MGLL: variants seen among roughly 807,000 people sequenced by gnomAD.
MGLL encodes lysophospholipase homolog.
MGLL carries 7 observed loss-of-function variants against 29.1 expected under a neutral mutation model. That is an observed-to-expected ratio of 0.24 (90% CI 0.14 to 0.45). MGLL has a LOEUF of 0.45. MGLL is among the 20% of genes least tolerant of loss of function. MGLL has a pLI of 0.99. For missense variants in MGLL, 356 were observed against 413.6 expected, an observed-to-expected ratio of 0.86 and a Z score of 1.21; for synonymous variants, 148 against 168.3, an observed-to-expected ratio of 0.88 and a Z score of 0.93.
rs1392090093 is a variant in MGLL at position 127,691,651 on chromosome 3, C to CAAA, written c.*546_*547insTTT. The stretch of plus-strand genomic sequence containing the variant: ...GCCCACAAAGTCATGGGTGGCTGCT[C>CAAA]ATTTTGAGGAAGGGCTGGGCATTTT... On this transcript the variant is annotated 3_prime_UTR_variant, in exon 8 of 8. Transcript: ENST00000265052. The CAAA allele has an allele frequency of 1.8e-5, 3 of 162,718 alleles. No individual in the cohort carries two copies. In the East Asian group the frequency reaches 5.5e-4, roughly 30 times the overall value. 10.1% of individuals were successfully genotyped at this position (162,718 alleles called of 1,614,324 possible).
At chr3:127,700,877 T>C (rs1222039967) in intron 6 of MGLL, among the ~76,000 whole-genome samples, 2 of 152,140 alleles carry the variant, frequency 1.3e-5, no homozygotes, top group African/African-American at 2.4e-5. Context: ...CTTCAGTGCA[T>C]TGTGCTGAAC....
chr3:127,762,417 G>A (rs147552623), intron 3 of MGLL, among the ~76,000 whole-genome samples: 2 of 152,218 alleles, frequency 1.3e-5, no homozygotes, highest in Non-Finnish European at 2.9e-5. Flanking sequence ...CTTTCTTAAG[G>A]GCTGTGTCAA....
At position 127,694,207 on chromosome 3, in the gene MGLL, T is replaced by A. The variant is rs546380368; in HGVS notation, c.816+768A>T. On this transcript the variant is annotated intron_variant, in intron 7 of 7. Transcript: ENST00000265052. ...ATCACTTGAACCTGGGAGGCAGAGGTTGCTGTGAGCCGAGATGGCGCCGCT... is the reference window on the plus strand; with the variant it reads ...ATCACTTGAACCTGGGAGGCAGAGGATGCTGTGAGCCGAGATGGCGCCGCT... Among the ~76,000 whole-genome samples the A allele has an allele frequency of 2.2e-4, 33 of 148,244 alleles. 1 individual carries two copies. The highest frequency in any genetic ancestry group is 8.0e-4 in the African/African-American group (32 of 39,838).
chr3:127,736,244 A>AC, intron 3 of MGLL: 1 of 884,206 alleles, frequency 1.1e-6, no homozygotes, highest in Non-Finnish European at 1.3e-6. Context: ...AAATTGCTTT[A>AC]AAAAAATGGA....
At chr3:127,722,913 CG>C (rs1425547316) in intron 3 of MGLL, among the ~76,000 whole-genome samples, 1 of 152,160 alleles carries the variant, frequency 6.6e-6, no homozygotes, top group African/African-American at 2.4e-5. Flanking sequence ...GCAAAGCAGC[CG>C]GGAGTAAGAC....
intron 3 of MGLL, chr3:127,736,005 G>T: frequency 7.1e-7 from 1 of 1,415,194 alleles, no homozygotes; most frequent in South Asian, 1.6e-5. Context: ...AAAGCTCCCA[G>T]GTTTAACATG....
intron 2 of MGLL, among the ~76,000 whole-genome samples, chr3:127,806,762 C>T (rs1364743762): frequency 6.6e-6 from 1 of 152,174 alleles, no homozygotes; most frequent in East Asian, 1.9e-4. Context: ...CGCGGTGGCT[C>T]ACACCTGTAA....
chr3:127,789,058 T>A (rs995845208), intron 2 of MGLL, among the ~76,000 whole-genome samples: 3 of 151,828 alleles, frequency 2.0e-5, no homozygotes, highest in African/African-American at 7.3e-5. Flanking sequence ...CAGCTGAACC[T>A]GGTTATCCAA....
At chr3:127,722,121 TC>T (rs1173163136) in intron 4 of MGLL, among the ~76,000 whole-genome samples, 1 of 152,120 alleles carries the variant, frequency 6.6e-6, no homozygotes, top group African/African-American at 2.4e-5. Flanking sequence ...AAGGAGCTAT[TC>T]CCCCCTCCAA....
At chr3:127,744,807 C>A (rs2076411400) in intron 3 of MGLL, among the ~76,000 whole-genome samples, 1 of 152,130 alleles carries the variant, frequency 6.6e-6, no homozygotes, top group African/African-American at 2.4e-5. Flanking sequence ...ATATTCAGAA[C>A]CAAATGAAGA....
intron 2 of MGLL, among the ~76,000 whole-genome samples, chr3:127,786,162 T>C (rs1221266167): frequency 6.6e-6 from 1 of 152,180 alleles, no homozygotes; most frequent in Non-Finnish European, 1.5e-5. Flanking sequence ...GGTACCCAGC[T>C]GGGCAGCGAC....
At chr3:127,815,876 TC>T (rs1433690174) in intron 2 of MGLL, among the ~76,000 whole-genome samples, 2 of 152,214 alleles carry the variant, frequency 1.3e-5, no homozygotes, top group African/African-American at 4.8e-5. Flanking sequence ...AGATGCATGA[TC>T]TTTGCCACCC....
Position 127,733,352 on chromosome 3 carries a change from C to T in MGLL, c.263-10786G>A, listed in dbSNP as rs547859531. 1.7e-3 allele frequency among the ~76,000 whole-genome samples: 258 copies of T among 152,342 alleles called. 2 individuals carry two copies. Among genetic ancestry groups the T allele is most frequent in the African/African-American group, 5.8e-3 (241 of 41,578 alleles). On this transcript the variant is annotated intron_variant, in intron 3 of 7. Transcript: ENST00000265052. ...CCATAAAAATGGGCACCCACCAGCC[C>T]TCAGGCTGCTCTGTCTATGGGGTAG...
At chr3:127,797,225 C>T (rs559485167) in intron 2 of MGLL, among the ~76,000 whole-genome samples, 1 of 152,100 alleles carries the variant, frequency 6.6e-6, no homozygotes, top group Non-Finnish European at 1.5e-5. Flanking sequence ...GAGGGTGTAT[C>T]CCAGGACTGC....
intron 6 of MGLL, among the ~76,000 whole-genome samples, chr3:127,708,025 G>A (rs1036477077): frequency 1.3e-5 from 2 of 152,080 alleles, no homozygotes; most frequent in South Asian, 2.1e-4. Context: ...CTCGATTCCC[G>A]GCCAGTGGCC....
At chr3:127,766,978 G>A (rs1255197721) in intron 3 of MGLL, among the ~76,000 whole-genome samples, 1 of 152,148 alleles carries the variant, frequency 6.6e-6, no homozygotes. Flanking sequence ...GGTTGAGGCA[G>A]GAGAATTGGT....
At chr3:127,776,599 T>C (rs1328369433) in intron 3 of MGLL, among the ~76,000 whole-genome samples, 1 of 152,170 alleles carries the variant, frequency 6.6e-6, no homozygotes, top group East Asian at 1.9e-4. Context: ...CTGCGGGCCT[T>C]GTGGCGCCTC....
intron 6 of MGLL, among the ~76,000 whole-genome samples, chr3:127,708,479 G>A (rs1298106227): frequency 1.3e-5 from 2 of 152,218 alleles, no homozygotes; most frequent in African/African-American, 2.4e-5. Flanking sequence ...TCCTGAGTAA[G>A]ACCGAAGAAT....
intron 3 of MGLL, among the ~76,000 whole-genome samples, chr3:127,743,612 A>G (rs2076387003): frequency 1.4e-5 from 2 of 142,586 alleles, no homozygotes; most frequent in Non-Finnish European, 3.0e-5. Flanking sequence ...CCAAGCAGAG[A>G]GTACTGGAAC....
Sources: gnomAD v4.1 joint callset for allele counts (sites outside exome capture counted in the v4.1 genomes callset) on GRCh38, gnomAD v4.1.1 for gene constraint, MANE v1.5 for transcripts, NCBI Gene and HGNC (gene_info 2026-07-23, HGNC 2026-07-21) for gene names.